The following ABL1 variants were observed in gnomAD, a reference collection of about 807,000 sequenced individuals.
The protein encoded by ABL1 is tyrosine-protein kinase ABL1.
Under a neutral mutation model 94.7 loss-of-function variants are expected in ABL1, and 11 were observed. The ratio of observed to expected loss-of-function variants is 0.12; its 90% confidence interval spans 0.07 to 0.19. The LOEUF (loss-of-function observed/expected upper bound fraction) is 0.19, where lower values mean the gene tolerates loss of function less well. ABL1 is among the 10% of genes least tolerant of loss of function. The pLI is 1.00. For synonymous variants in ABL1, 656 were observed against 622.4 expected (o/e 1.05, Z -0.80); for missense variants, 1,082 against 1,489.4 (o/e 0.73, Z 4.50).
chr9:130,790,251 C>G (rs1829887919), intron 1 of ABL1, among the ~76,000 whole-genome samples: 1 of 152,220 alleles, frequency 6.6e-6, no homozygotes, highest in African/African-American at 2.4e-5. Context: ...TGGCACATAG[C>G]AGCACAGAGT....
intron 1 of ABL1, among the ~76,000 whole-genome samples, chr9:130,779,888 A>G (rs1233046815): frequency 2.0e-5 from 3 of 152,176 alleles, no homozygotes; most frequent in Non-Finnish European, 4.4e-5. Flanking sequence ...AGGTTTAATT[A>G]GTTACAGCTG....
intron 1 of ABL1, among the ~76,000 whole-genome samples, chr9:130,783,177 T>G (rs1293320504): frequency 6.6e-6 from 1 of 152,242 alleles, no homozygotes; most frequent in Non-Finnish European, 1.5e-5. Context: ...AGATGGCCTG[T>G]GGAGTTATTC....
chr9:130,843,736 G>A (rs571896407), intron 1 of ABL1, among the ~76,000 whole-genome samples: 3 of 152,130 alleles, frequency 2.0e-5, no homozygotes, highest in South Asian at 2.1e-4. Context: ...GCTGGGGAAC[G>A]AACTCTAGGG....
chr9:130,794,671 T>G (rs1297278417), intron 1 of ABL1, among the ~76,000 whole-genome samples: 2 of 152,236 alleles, frequency 1.3e-5, no homozygotes, highest in Non-Finnish European at 2.9e-5. Context: ...CTTTCATAAC[T>G]GGTGATCACT....
chr9:130,735,477 GTTTTT>G (rs556969254), intron 1 of ABL1, among the ~76,000 whole-genome samples: 7 of 143,920 alleles, frequency 4.9e-5, no homozygotes, highest in African/African-American at 1.8e-4. Context: ...TTTGTGTGTG[GTTTTT>G]TTTTTTTATC....
intron 1 of ABL1, among the ~76,000 whole-genome samples, chr9:130,718,773 T>C (rs1831478807): frequency 6.6e-6 from 1 of 152,076 alleles, no homozygotes; most frequent in Admixed American, 6.6e-5. Context: ...TCCCAGCTAC[T>C]TGAGTGGCTG....
chr9:130,720,888 C>T (rs1831505818), intron 1 of ABL1, among the ~76,000 whole-genome samples: 1 of 151,746 alleles, frequency 6.6e-6, no homozygotes, highest in Non-Finnish European at 1.5e-5. Context: ...GGTTTTCGAA[C>T]TGAATAACTG....
At chr9:130,733,804 A>C (rs1261636207) in intron 1 of ABL1, among the ~76,000 whole-genome samples, 1 of 151,644 alleles carries the variant, frequency 6.6e-6, no homozygotes. Context: ...GTTAGCCAGG[A>C]TGGTCTCGAT....
At chr9:130,844,257 G>T (rs374821671) in intron 1 of ABL1, among the ~76,000 whole-genome samples, 1 of 152,152 alleles carries the variant, frequency 6.6e-6, no homozygotes, top group Non-Finnish European at 1.5e-5. Flanking sequence ...CCCAGCCAAG[G>T]GCGTGGTAGA....
At chr9:130,770,954 T>C (rs2132766650) in intron 1 of ABL1, among the ~76,000 whole-genome samples, 1 of 152,312 alleles carries the variant, frequency 6.6e-6, no homozygotes, top group Non-Finnish European at 1.5e-5. Context: ...GAACAGATAA[T>C]ATCTCAACTC....
intron 1 of ABL1, among the ~76,000 whole-genome samples, chr9:130,847,931 C>T (rs1158545353): frequency 6.6e-6 from 1 of 152,192 alleles, no homozygotes; most frequent in Non-Finnish European, 1.5e-5. Flanking sequence ...TCTGCTTATT[C>T]CAGGTGTTTT....
At chr9:130,822,247 C>T (rs1362253479) in intron 1 of ABL1, among the ~76,000 whole-genome samples, 1 of 152,208 alleles carries the variant, frequency 6.6e-6, no homozygotes, top group Non-Finnish European at 1.5e-5. Context: ...GTTGGGATTA[C>T]AGGCGTGAGC....
intron 6 of ABL1, among the ~76,000 whole-genome samples, chr9:130,874,566 G>A (rs1373344213): frequency 6.6e-6 from 1 of 152,196 alleles, no homozygotes; most frequent in Non-Finnish European, 1.5e-5. Flanking sequence ...TAAGAGGTAG[G>A]TGCCATTATT....
At chr9:130,770,306 A>G (rs773514201) in intron 1 of ABL1, among the ~76,000 whole-genome samples, 4 of 152,184 alleles carry the variant, frequency 2.6e-5, no homozygotes, top group African/African-American at 4.8e-5. Context: ...CGGGAGTTCA[A>G]GACCAGCTTG....
chr9:130,838,338 C>G (rs1461722911), intron 1 of ABL1, among the ~76,000 whole-genome samples: 2 of 152,170 alleles, frequency 1.3e-5, no homozygotes, highest in Non-Finnish European at 2.9e-5. Flanking sequence ...CAATTAATCC[C>G]TGAAATGTAA....
chr9:130,808,017 A>G (rs1830151509), intron 1 of ABL1, among the ~76,000 whole-genome samples: 2 of 151,734 alleles, frequency 1.3e-5, no homozygotes, highest in Non-Finnish European at 2.9e-5. Flanking sequence ...TTATAATTTA[A>G]AAAATTTTTG....
At chr9:130,775,686 C>T (rs1343379443) in intron 1 of ABL1, among the ~76,000 whole-genome samples, 1 of 151,082 alleles carries the variant, frequency 6.6e-6, no homozygotes, top group Non-Finnish European at 1.5e-5. Flanking sequence ...AAATAATTTC[C>T]AAGAATAGTG....
At chr9:130,791,751 G>T (rs971215526) in intron 1 of ABL1, among the ~76,000 whole-genome samples, 2 of 152,126 alleles carry the variant, frequency 1.3e-5, no homozygotes, top group South Asian at 2.1e-4. Context: ...TGGCTGCACT[G>T]TTGGCTTCCC....
intron 1 of ABL1, among the ~76,000 whole-genome samples, chr9:130,821,409 T>C (rs1245795017): frequency 6.6e-6 from 1 of 151,946 alleles, no homozygotes; most frequent in African/African-American, 2.4e-5. Flanking sequence ...TTTGTGACTG[T>C]TTTTTTTCCC....
Sources: allele counts gnomAD v4.1 joint callset (sites outside exome capture counted in the v4.1 genomes callset), GRCh38; gene constraint gnomAD v4.1.1; transcripts MANE v1.5; gene names NCBI Gene and HGNC (gene_info 2026-07-23, HGNC 2026-07-21).